STAG1: variants seen among roughly 807,000 people sequenced by gnomAD.
The protein encoded by STAG1 is cohesin subunit SA-1.
Under a neutral mutation model 170.9 loss-of-function variants are expected in STAG1, and 26 were observed. That is an observed-to-expected ratio of 0.15 (90% CI 0.11 to 0.21). The LOEUF (loss-of-function observed/expected upper bound fraction) is 0.21, where lower values mean the gene tolerates loss of function less well. STAG1 is among the 10% of genes least tolerant of loss of function. The pLI, the probability that STAG1 is intolerant of heterozygous loss-of-function variation, is 1.00. For missense variants in STAG1, 964 were observed against 1,509.5 expected (o/e 0.64, Z 5.99); for synonymous variants, 514 against 497.7 (o/e 1.03, Z -0.44).
At chr3:136,721,470 A>G (rs955173243) in intron 1 of STAG1, 13 of 152,152 alleles carry the variant, frequency 8.5e-5, no homozygotes, top group Admixed American at 7.9e-4. Flanking sequence ...TTCCCATTTT[A>G]GTGTATGTGC....
intron 1 of STAG1, among the ~76,000 whole-genome samples, chr3:136,656,910 TTCC>T (rs1941397381): frequency 1.3e-5 from 2 of 152,042 alleles, no homozygotes; most frequent in Admixed American, 1.3e-4. Flanking sequence ...AGTTCAGCAA[TTCC>T]TCTTCTAAAA....
At chr3:136,370,252 C>T (rs1435457183) in intron 23 of STAG1, among the ~76,000 whole-genome samples, 1 of 151,996 alleles carries the variant, frequency 6.6e-6, no homozygotes, top group Non-Finnish European at 1.5e-5. Flanking sequence ...AAAATACTGC[C>T]ACTGAAGACG....
intron 28 of STAG1, among the ~76,000 whole-genome samples, chr3:136,356,546 A>G (rs1403619799): frequency 1.3e-5 from 2 of 151,940 alleles, no homozygotes; most frequent in African/African-American, 4.8e-5. Context: ...ACACCTGGCT[A>G]ATTTTAAAAT....
intron 4 of STAG1, among the ~76,000 whole-genome samples, chr3:136,600,440 T>C (rs942761050): frequency 6.6e-6 from 1 of 152,214 alleles, no homozygotes; most frequent in Admixed American, 6.5e-5. Context: ...CTAAACCCAA[T>C]CCTGTTCATC....
intron 4 of STAG1, among the ~76,000 whole-genome samples, chr3:136,598,646 T>G (rs915933653): frequency 1.1e-4 from 17 of 152,104 alleles, no homozygotes; most frequent in Non-Finnish European, 1.9e-4. Context: ...CAGGATGGTT[T>G]CGATCTCCTG....
At chr3:136,651,002 G>C (rs543560183) in intron 1 of STAG1, among the ~76,000 whole-genome samples, 10 of 151,742 alleles carry the variant, frequency 6.6e-5, no homozygotes, top group African/African-American at 1.9e-4. Context: ...TAATGGGCTC[G>C]GTTTTAGAAG....
chr3:136,488,560 T>C (rs1332911135), intron 9 of STAG1, among the ~76,000 whole-genome samples: 1 of 152,248 alleles, frequency 6.6e-6, no homozygotes, highest in African/African-American at 2.4e-5. Context: ...ATTAGTTCTT[T>C]AGTCCAAATA....
At chr3:136,548,123 T>TG (rs1219249103) in intron 5 of STAG1, among the ~76,000 whole-genome samples, 6 of 152,038 alleles carry the variant, frequency 3.9e-5, no homozygotes, top group African/African-American at 1.2e-4. Context: ...TGTTTTGTTT[T>TG]TTTTTTTTGA....
intron 7 of STAG1, among the ~76,000 whole-genome samples, chr3:136,506,418 G>T (rs750365379): frequency 1.7e-4 from 25 of 148,944 alleles, no homozygotes; most frequent in Non-Finnish European, 2.8e-4. Context: ...ATCACTGGAG[G>T]TCAGGAGTTC....
chr3:136,353,955 A>C (rs1936531730), intron 28 of STAG1, among the ~76,000 whole-genome samples: 1 of 152,234 alleles, frequency 6.6e-6, no homozygotes, highest in Non-Finnish European at 1.5e-5. Context: ...TATATTTGAC[A>C]ATAAACACAA....
intron 21 of STAG1, among the ~76,000 whole-genome samples, chr3:136,403,943 CTTAT>C (rs1289911805): frequency 6.6e-6 from 1 of 152,184 alleles, no homozygotes; most frequent in Non-Finnish European, 1.5e-5. Context: ...AAAGCTTGCT[CTTAT>C]TGACTTGGAA....
chr3:136,452,412 A>G (rs562194151), intron 13 of STAG1, among the ~76,000 whole-genome samples: 15 of 151,932 alleles, frequency 9.9e-5, no homozygotes, highest in Admixed American at 9.8e-4. Flanking sequence ...AAAATACAAA[A>G]AATTAGCCGG....
chr3:136,462,136 G>T (rs955563141), intron 13 of STAG1, among the ~76,000 whole-genome samples: 2 of 152,012 alleles, frequency 1.3e-5, no homozygotes, highest in Non-Finnish European at 2.9e-5. Flanking sequence ...AAACAGTATG[G>T]AAGTTACTCA....
chr3:136,525,341 G>A (rs1576565391), intron 6 of STAG1, among the ~76,000 whole-genome samples: 1 of 152,226 alleles, frequency 6.6e-6, no homozygotes, highest in East Asian at 1.9e-4. Context: ...TATGTGTCCA[G>A]GAATTTATCC....
intron 9 of STAG1, among the ~76,000 whole-genome samples, chr3:136,495,088 A>G (rs1441933020): frequency 1.3e-5 from 2 of 152,234 alleles, no homozygotes; most frequent in African/African-American, 4.8e-5. Flanking sequence ...AGCATACTCA[A>G]TGCAGGTGGT....
At chr3:136,563,840 G>A (rs1227857838) in intron 5 of STAG1, among the ~76,000 whole-genome samples, 1 of 152,052 alleles carries the variant, frequency 6.6e-6, no homozygotes, top group Admixed American at 6.6e-5. Context: ...TCAACACGGT[G>A]AAACCCCATC....
In STAG1 at chr3:136,392,611, A is replaced by C. The variant is rs559019545; in HGVS notation, c.2277+6138T>G. 8.5e-5 allele frequency among the ~76,000 whole-genome samples: 13 copies of C among 152,154 alleles called. No individual in the cohort carries two copies. The East Asian group carries it at 2.5e-3, about 29-fold the overall frequency. ...GAAACCCCGTCTCTGCTAAAAATAC[A>C]AAAAGTCAGCCAAGCGTGGTGGCAT... On this transcript the variant is annotated intron_variant, in intron 22 of 33. Coordinates refer to ENST00000383202, the MANE Select transcript of STAG1 (RefSeq NM_005862.3).
chr3:136,656,451 C>CA (rs1941372269), intron 1 of STAG1, among the ~76,000 whole-genome samples: 1 of 11,824 alleles, frequency 8.5e-5, no homozygotes, highest in African/African-American at 1.1e-3. Flanking sequence ...TGTATTTTAT[C>CA]ATTTTTTTTC....
intron 21 of STAG1, among the ~76,000 whole-genome samples, chr3:136,400,082 C>A (rs2087275345): frequency 6.6e-6 from 1 of 152,010 alleles, no homozygotes; most frequent in African/African-American, 2.4e-5. Context: ...ACCACCACAT[C>A]TGGTTAATTT....
Sources: gnomAD v4.1 joint callset for allele counts (sites outside exome capture counted in the v4.1 genomes callset) on GRCh38, gnomAD v4.1.1 for gene constraint, MANE v1.5 for transcripts, NCBI Gene and HGNC (gene_info 2026-07-23, HGNC 2026-07-21) for gene names.